Variants in VGLL4 observed in about 807,000 individuals in gnomAD.
VGLL4 encodes vestigial like family member 4, also known as transcription cofactor vestigial-like protein 4.
Under a neutral mutation model 21.0 loss-of-function variants are expected in VGLL4, and 7 were observed. The ratio of observed to expected loss-of-function variants is 0.33; its 90% CI spans 0.19 to 0.63. The LOEUF (loss-of-function observed/expected upper bound fraction) is 0.63. VGLL4 is among the 20% of genes least tolerant of loss of function. VGLL4 has a pLI of 0.78. For missense variants in VGLL4, 394 were observed against 425.7 expected (o/e 0.93, Z 0.66); for synonymous variants, 222 against 173.2 (o/e 1.28, Z -2.21).
At chr3:11,610,474 G>A (rs2075039267) in intron 1 of VGLL4, 1 of 152,204 alleles carries the variant, frequency 6.6e-6, no homozygotes, top group Non-Finnish European at 1.5e-5. Context: ...CCCAGCCCTT[G>A]GGTGGCAACA....
chr3:11,558,747 G>A lies in VGLL4; in HGVS notation c.700C>T (p.Pro234Ser), dbSNP rs1034242183. The change falls in exon 5 of 5, where the codon CCC becomes TCC. Residue 234 changes from proline to serine, a missense_variant. Physicochemically the swap from Pro to Ser is moderately conservative, Grantham distance 74 (BLOSUM62 -1). Transcript: ENST00000430365. Reference sequence around the variant, plus strand: ...GAGCCCGTGATGGACACGGAGTTGGGTGCCGGCTCGGGCTCCTTGTAATTC... The same window carrying A: ...GAGCCCGTGATGGACACGGAGTTGGATGCCGGCTCGGGCTCCTTGTAATTC... The part of the protein sequence containing the change: ...GKNYKEPEPA[P>S]NSVSITGSVD... The A allele has an allele frequency of 1.9e-6, 3 of 1,614,064 alleles. No individual in the cohort carries two copies. The highest frequency in any genetic ancestry group is 2.2e-5 in the East Asian group (1 of 44,896).
At chr3:11,595,017 C>T (rs911642188) in intron 2 of VGLL4, among the ~76,000 whole-genome samples, 8 of 152,104 alleles carry the variant, frequency 5.3e-5, no homozygotes, top group African/African-American at 1.7e-4. Context: ...CAAAATTAGC[C>T]GGGCATGGTG....
At chr3:11,611,368 T>C (rs6804878) in intron 1 of VGLL4, among the ~76,000 whole-genome samples, 144,968 of 152,162 alleles carry the variant, frequency 0.95, 69,170 homozygotes, top group African/African-American at 0.99. Context: ...TGCGAGGATA[T>C]GGGAGAAGAG....
chr3:11,660,377 A>G (rs750501082), intron 2 of VGLL4, among the ~76,000 whole-genome samples: 54 of 152,272 alleles, frequency 3.5e-4, no homozygotes, highest in Non-Finnish European at 6.8e-4. Flanking sequence ...ATGGCCTACT[A>G]TAATTACACA....
chr3:11,583,872 G>A (rs1045879179), intron 2 of VGLL4, among the ~76,000 whole-genome samples: 3 of 152,182 alleles, frequency 2.0e-5, no homozygotes, highest in South Asian at 2.1e-4. Flanking sequence ...AACCCAGGAG[G>A]CCCTCAGGAG....
At chr3:11,634,864 G>A (rs1267355252) in intron 1 of VGLL4, among the ~76,000 whole-genome samples, 2 of 152,074 alleles carry the variant, frequency 1.3e-5, no homozygotes, top group African/African-American at 2.4e-5. Context: ...TAGAGGCGGC[G>A]TTTCACCACA....
Position 11,683,151 on chromosome 3 carries a change from T to C in VGLL4, c.64+19820A>G, listed in dbSNP as rs368873306. The stretch of plus-strand genomic sequence containing the variant: ...CTGAGGCAGGAGAATTGCTTGAACC[T>C]GGGAAGCGGAGGTTGCAGTGAGCCG... On this transcript the variant is annotated intron_variant, in intron 2 of 5. Coordinates refer to the VGLL4 transcript ENST00000273038. 1.8e-4 allele frequency among the ~76,000 whole-genome samples: 27 copies of C among 151,652 alleles called. 2 individuals are homozygous for C. Among genetic ancestry groups the C allele is most frequent in the African/African-American group, 6.3e-4 (26 of 41,328 alleles).
chr3:11,688,292 C>A lies in VGLL4; in HGVS notation c.64+14679G>T, dbSNP rs367932367. On this transcript the variant is annotated intron_variant, in intron 2 of 5. Transcript: ENST00000273038. ...TTAGTATCATGTTATATTAGCCTCACAGAAAGAATTACAAAGTGCTCTATA... is the reference window on the plus strand; with the variant it reads ...TTAGTATCATGTTATATTAGCCTCAAAGAAAGAATTACAAAGTGCTCTATA... Among the ~76,000 whole-genome samples the A allele has an allele frequency of 2.0e-5, 3 of 152,242 alleles. No individual in the cohort carries two copies. The East Asian group carries it at 5.8e-4, about 29-fold the overall frequency.
intron 1 of VGLL4, among the ~76,000 whole-genome samples, chr3:11,716,231 G>A (rs1321585685): frequency 6.6e-6 from 1 of 151,372 alleles, no homozygotes; most frequent in Non-Finnish European, 1.5e-5. Context: ...GAAACCGGAA[G>A]GTGGAAGTTG....
intron 2 of VGLL4, among the ~76,000 whole-genome samples, chr3:11,572,880 C>A (rs2073831309): frequency 6.6e-6 from 1 of 152,020 alleles, no homozygotes; most frequent in East Asian, 1.9e-4. Flanking sequence ...GAAAATGACC[C>A]CCGTAGGCCA....
At chr3:11,612,429 C>T (rs2075080740) in intron 1 of VGLL4, among the ~76,000 whole-genome samples, 1 of 152,182 alleles carries the variant, frequency 6.6e-6, no homozygotes, top group South Asian at 2.1e-4. Context: ...GTATGTAACA[C>T]AACACAAACA....
rs527520236 is a variant in VGLL4 at position 11,562,749 on chromosome 3, G to T, written c.495+2048C>A. ...AGGAGGGCAGGACTGACCAACCCCA[G>T]CCGAAAATGACAGCTCCGGTCAGGG... On this transcript the variant is annotated intron_variant, in intron 3 of 4. Transcript: ENST00000430365. 5.3e-5 allele frequency among the ~76,000 whole-genome samples: 8 copies of T among 152,360 alleles called. No homozygotes were observed. The South Asian group carries it at 1.7e-3, about 32-fold the overall frequency.
Position 11,719,237 on chromosome 3 carries a change from C to CG in VGLL4, c.-14+1156dup, listed in dbSNP as rs944888444. Among the ~76,000 whole-genome samples, 4 of 152,074 alleles carry CG rather than the reference C, an allele frequency of 2.6e-5. No homozygotes were observed. Among genetic ancestry groups the CG allele is most frequent in the African/African-American group, 7.2e-5 (3 of 41,428 alleles). On this transcript the variant is annotated intron_variant, in intron 1 of 5. Coordinates refer to the VGLL4 transcript ENST00000273038. This position sits in a 1 kb window ranked among gnomAD's most constrained non-coding sequence, Gnocchi z 4.0. ...AGCCTCCGACTCCCAGGACGTCCTC[C>CG]GGGAGCCTAGGCGCTTCCGCTCCCA...
intron 2 of VGLL4, among the ~76,000 whole-genome samples, chr3:11,673,047 C>A (rs7627256): frequency 0.44 from 67,604 of 151,946 alleles, 16,169 homozygotes; most frequent in Non-Finnish European, 0.54. Flanking sequence ...AAACAGTCAG[C>A]CCTCAGAGAT....
At chr3:11,577,074 G>C (rs1290615177) in intron 2 of VGLL4, among the ~76,000 whole-genome samples, 3 of 152,174 alleles carry the variant, frequency 2.0e-5, no homozygotes, top group Non-Finnish European at 4.4e-5. Flanking sequence ...CATGAAGCTG[G>C]GTGACCCAGG....
chr3:11,624,036 C>T (rs1180585083), intron 1 of VGLL4, among the ~76,000 whole-genome samples: 5 of 152,138 alleles, frequency 3.3e-5, no homozygotes, highest in South Asian at 2.1e-4. Flanking sequence ...GCCACAGCAC[C>T]GGGGCAAATT....
chr3:11,632,098 G>A (rs114842517), intron 1 of VGLL4, among the ~76,000 whole-genome samples: 351 of 152,280 alleles, frequency 2.3e-3, no homozygotes, highest in Non-Finnish European at 3.5e-3. Context: ...CAGATCGCCT[G>A]AGGTCAGGAG....
chr3:11,658,534 C>G, intron 2 of VGLL4, among the ~76,000 whole-genome samples: 1 of 151,626 alleles, frequency 6.6e-6, no homozygotes, highest in African/African-American at 2.4e-5. Flanking sequence ...CAGATCACTG[C>G]AATATGTTTG....
At chr3:11,593,294 T>C (rs569679536) in intron 2 of VGLL4, among the ~76,000 whole-genome samples, 29 of 152,292 alleles carry the variant, frequency 1.9e-4, no homozygotes, top group African/African-American at 6.7e-4. Context: ...TACATCCAGA[T>C]ACCAAAAACT....
Sources: gnomAD v4.1 joint callset for allele counts (sites outside exome capture counted in the v4.1 genomes callset) on GRCh38, gnomAD v4.1.1 for gene constraint, Gnocchi (gnomAD v3.1) non-coding constraint, MANE v1.5 for transcripts, NCBI Gene and HGNC (gene_info 2026-07-23, HGNC 2026-07-21) for gene names.